MTCH1: variants seen among roughly 807,000 people sequenced by gnomAD.
MTCH1 encodes the protein mitochondrial carrier 1.
In MTCH1, 23 loss-of-function variants were observed where a neutral mutation model predicts 49.3. That is an observed-to-expected ratio of 0.47 (90% CI 0.34 to 0.66). The LOEUF (loss-of-function observed/expected upper bound fraction) is 0.66. Among genes scored for constraint, MTCH1 ranks in the 30% least tolerant of loss-of-function variants. The probability of loss-of-function intolerance (pLI) is 0.01; values close to 1 mark genes in which losing one functional copy is unlikely to be tolerated. For missense variants in MTCH1, 397 were observed against 532.1 expected (o/e 0.75, Z 2.50); for synonymous variants, 229 against 215.2 (o/e 1.06, Z -0.56).
Position 36,986,127 on chromosome 6 carries a change from G to C in MTCH1, c.47C>G (p.Ala16Gly), listed in dbSNP as rs202185562. 2.9e-4 allele frequency: 416 copies of C among 1,436,184 alleles called. No individual in the cohort carries two copies. Among genetic ancestry groups the C allele is most frequent in the Non-Finnish European group, 3.5e-4 (384 of 1,104,082 alleles). 89.0% of individuals were successfully genotyped at this position (1,436,184 alleles called of 1,614,324 possible). ...AGCTCCGGCTCCCGCCATCCCCGCG[G>C]CACCGCCGCGAGCCCAGGGCGCCAC... ...PEVAPWARGG[A>G]AGMAGAGAGA... The change falls in exon 1 of 12, where the codon GCC becomes GGC. Residue 16 changes from alanine to glycine, a missense_variant. Ala to Gly is a moderately conservative substitution (Grantham distance 60). Transcript: ENST00000373627.
At position 36,968,277 on chromosome 6, in the gene MTCH1, G is replaced by A. The variant is rs370748224; in HGVS notation, c.*626C>T. On this transcript the variant is annotated 3_prime_UTR_variant, in exon 12 of 12. Transcript: ENST00000373627. ...CTGCACAGGTAACCAGATCCTGTAC[G>A]CGAGGCATCACCATTAAACAGATGA... The A allele has an allele frequency of 1.0e-3, 182 of 182,044 alleles. 1 individual carries two copies. Among genetic ancestry groups the A allele is most frequent in the Non-Finnish European group, 1.6e-3 (136 of 85,436 alleles). The allele number at this position is 182,044 out of a possible 1,614,324, so 11.3% of individuals were successfully genotyped here. A position where few individuals can be genotyped will look rare whatever the true frequency, so the allele number is the denominator to read the frequency against.
intron 7 of MTCH1, among the ~76,000 whole-genome samples, chr6:36,974,263 C>T (rs1044132153): frequency 6.6e-5 from 10 of 152,054 alleles, no homozygotes; most frequent in Admixed American, 4.6e-4. Context: ...TGCAGTGGTG[C>T]AATCATAGCT....
At chr6:36,971,153 C>T (rs1364582123) in intron 8 of MTCH1, among the ~76,000 whole-genome samples, 1 of 152,174 alleles carries the variant, frequency 6.6e-6, no homozygotes, top group Non-Finnish European at 1.5e-5. Context: ...TCCTGCTTTG[C>T]TGAAGCAAAC....
Position 36,977,647 on chromosome 6 carries a change from G to A in MTCH1, c.636C>T (p.Ala212=), listed in dbSNP as rs1763934508. 1 of 1,609,832 alleles carries A rather than the reference G, an allele frequency of 6.2e-7. No individual in the cohort carries two copies. Among genetic ancestry groups the A allele is most frequent in the African/African-American group, 1.3e-5 (1 of 74,790 alleles). Residue 212 remains alanine (A), a synonymous_variant, in exon 5 of 12, where the codon GCC becomes GCT. Coordinates refer to ENST00000373627, the MANE Select transcript of MTCH1 (RefSeq NM_001271641.2). This position sits in a 1 kb window ranked among gnomAD's most constrained non-coding sequence, Gnocchi z 5.4. ...GGGGTGGCTTACCATGCAGGGGGTG[G>A]GCCAACATGCGGGACACACACTGCA... ...MMMQCVSRML[A]HPLHVISMRC...
At chr6:36,979,901 C>A (rs1005728288) in intron 2 of MTCH1, among the ~76,000 whole-genome samples, 1 of 152,160 alleles carries the variant, frequency 6.6e-6, no homozygotes, top group Non-Finnish European at 1.5e-5. Flanking sequence ...CAAGTGAGAG[C>A]GGAGGGAGGC....
chr6:36,984,228 C>T (rs1209556586), intron 1 of MTCH1, among the ~76,000 whole-genome samples: 1 of 143,328 alleles, frequency 7.0e-6, no homozygotes, highest in African/African-American at 2.6e-5. Flanking sequence ...AATTTATCTC[C>T]CAAACTTCAA....
upstream of MTCH1, chr6:36,986,280 G>A (rs1279873103): frequency 1.8e-6 from 2 of 1,088,742 alleles, no homozygotes; most frequent in African/African-American, 1.7e-5. Flanking sequence ...GGGGGAGCTC[G>A]GGAGCGTGGT....
Position 36,978,102 on chromosome 6 carries a change from A to G in MTCH1, c.567T>C (p.Thr189=). 3 of 1,613,570 alleles carry G rather than the reference A, an allele frequency of 1.9e-6. No homozygotes were observed. The highest frequency in any genetic ancestry group is 2.5e-6 in the Non-Finnish European group (3 of 1,179,472). Residue 189 remains threonine, a synonymous_variant, in exon 4 of 12, where the codon ACT becomes ACC. Transcript: ENST00000373627. ...EQVSNKDDMK[T]SLKKVVKETS... ...CCTCCTTCACAACTTTCTTCAGGGA[A>G]GTCTTCATATCATCCTTGTTGGAAA... is the stretch of plus-strand genomic sequence containing the variant.
chr6:36,978,451 G>T, intron 3 of MTCH1, 54 bp downstream of exon 3: 5 of 1,549,832 alleles, frequency 3.2e-6, no homozygotes, highest in Non-Finnish European at 4.4e-6. Context: ...TGCAGGGGTG[G>T]CTGGGAGTAT....
intron 7 of MTCH1, among the ~76,000 whole-genome samples, chr6:36,974,996 C>T (rs1278297539): frequency 6.6e-6 from 1 of 152,164 alleles, no homozygotes; most frequent in Non-Finnish European, 1.5e-5. Context: ...TTAGTCTTTT[C>T]AGTATGTGCT....
rs948716169 is a variant in MTCH1 at position 36,977,814 on chromosome 6, C to T, written c.592-123G>A. On this transcript the variant is annotated intron_variant, in intron 4 of 11. Coordinates refer to ENST00000373627, the MANE Select transcript of MTCH1 (RefSeq NM_001271641.2). The surrounding 1 kb of genome is among the most constrained non-coding windows in gnomAD (Gnocchi z 5.4). ...CCCAGGGACTGCACATGGGGTCGGT[C>T]TGCCAAGGATGGCTCCACCTGTTGC... 1 of 929,736 alleles carries T rather than the reference C, an allele frequency of 1.1e-6. No homozygotes were observed. The highest frequency in any genetic ancestry group is 1.7e-6 in the Non-Finnish European group (1 of 605,426). 57.6% of individuals were successfully genotyped at this position (929,736 alleles called of 1,614,324 possible).
Position 36,972,225 on chromosome 6 carries a change from T to C in MTCH1, c.906+427A>G, listed in dbSNP as rs1763709795. ...TTTCTGTATTGGTAAACGAACATTA[T>C]ACCTGCCCTGTTCCCTTCACAACTA... On this transcript the variant is annotated intron_variant, in intron 8 of 11. Coordinates refer to ENST00000373627, the MANE Select transcript of MTCH1 (RefSeq NM_001271641.2). The surrounding 1 kb of genome is among the most constrained non-coding windows in gnomAD (Gnocchi z 4.1). Among the ~76,000 whole-genome samples, 1 of 152,104 alleles carries C rather than the reference T, an allele frequency of 6.6e-6. No individual in the cohort carries two copies. The highest frequency in any genetic ancestry group is 2.4e-5 in the African/African-American group (1 of 41,412).
chr6:36,978,875 C>CTTTTTTT (rs11322816), intron 2 of MTCH1, among the ~76,000 whole-genome samples: 10 of 100,420 alleles, frequency 1.0e-4, no homozygotes, highest in South Asian at 3.6e-4. Flanking sequence ...TCCCTCCCTC[C>CTTTTTTT]TTTTTTTTTT....
chr6:36,984,177 C>T (rs73733425), intron 1 of MTCH1, among the ~76,000 whole-genome samples: 309 of 146,116 alleles, frequency 2.1e-3, no homozygotes, highest in African/African-American at 7.4e-3. Context: ...AGTCTCATTC[C>T]ATCAGTTTCC....
At position 36,972,587 on chromosome 6, in the gene MTCH1, G is replaced by A; in HGVS notation, c.906+65C>T. 1 of 1,498,608 alleles carries A rather than the reference G, an allele frequency of 6.7e-7. No individual in the cohort carries two copies. The highest frequency in any genetic ancestry group is 9.0e-7 in the Non-Finnish European group (1 of 1,110,750). The allele number at this position is 1,498,608 out of a possible 1,614,324, so 92.8% of individuals were successfully genotyped here. The stretch of plus-strand genomic sequence containing the variant: ...ATGCTGAGAATCCCAGAATCCTTGA[G>A]TTTGTCCCAGACCCTGGGCATCAGC... On this transcript the variant is annotated intron_variant, in intron 8 of 11. Coordinates refer to ENST00000373627, the MANE Select transcript of MTCH1 (RefSeq NM_001271641.2). The surrounding 1 kb of genome is among the most constrained non-coding windows in gnomAD (Gnocchi z 4.1).
intron 3 of MTCH1, 150 bp downstream of exon 3, chr6:36,978,355 C>A: frequency 1.1e-6 from 1 of 876,238 alleles, no homozygotes; most frequent in Non-Finnish European, 1.8e-6. Flanking sequence ...GAAAGCAGAA[C>A]TGTGGGGTGG....
intron 2 of MTCH1, among the ~76,000 whole-genome samples, chr6:36,980,615 A>T (rs1405980165): frequency 2.0e-5 from 3 of 152,254 alleles, no homozygotes; most frequent in Non-Finnish European, 4.4e-5. Flanking sequence ...AATTCTGCCA[A>T]CAGCATGTGA....
intron 1 of MTCH1, among the ~76,000 whole-genome samples, chr6:36,985,540 C>A (rs906963793): frequency 6.6e-6 from 1 of 152,034 alleles, no homozygotes; most frequent in African/African-American, 2.4e-5. Context: ...TCCTTTATCT[C>A]CCAAATATGT....
Position 36,986,004 on chromosome 6 carries a change from G to A in MTCH1, c.170C>T (p.Ala57Val), listed in dbSNP as rs199897411. 2,143 of 1,534,304 alleles carry A rather than the reference G, an allele frequency of 1.4e-3. 30 individuals carry two copies. In the African/African-American group the frequency reaches 0.025, roughly 18 times the overall value. The change falls in exon 1 of 12, where the codon GCG becomes GTG. Residue 57 changes from alanine to valine, a missense_variant. Ala to Val is a moderately conservative substitution (Grantham distance 64). Around this residue, in one of 2 missense-constraint regions of MTCH1, gnomAD observed 145 missense variants for 143.8 expected, o/e 1.01. Coordinates refer to ENST00000373627, the MANE Select transcript of MTCH1 (RefSeq NM_001271641.2). ...CATCCTGCGGGCCGAGGGCTGAGCC[G>A]CAGGCCGAGGGTGGCGAGGATGTGC... is the stretch of plus-strand genomic sequence containing the variant. ...HRAHPRHPRP[A>V]AQPSARRMDG...
Sources: allele counts gnomAD v4.1 joint callset (sites outside exome capture counted in the v4.1 genomes callset), GRCh38; gene constraint gnomAD v4.1.1; regional missense constraint gnomAD v4.1.1; non-coding constraint Gnocchi (gnomAD v3.1); transcripts MANE v1.5; gene names NCBI Gene and HGNC (gene_info 2026-07-23, HGNC 2026-07-21).